The following NHERF4 variants were observed in gnomAD, a reference collection of about 807,000 sequenced individuals.
The protein encoded by NHERF4 is NHERF family PDZ scaffold protein 4.
At chr11:119,186,519 C>A in the NHERF4 span, 5 of 1,614,076 alleles carry the variant, frequency 3.1e-6, no homozygotes, top group Admixed American at 5.0e-5. The surrounding 1 kb of genome is among the most constrained non-coding windows in gnomAD (Gnocchi z 4.4). Flanking sequence ...GTTTACTGAG[C>A]AAAGAGGAGG....
At chr11:119,188,783 G>A in the NHERF4 span, 3 of 1,614,204 alleles carry the variant, frequency 1.9e-6, no homozygotes, top group Non-Finnish European at 2.5e-6. Flanking sequence ...GCTCCCGACA[G>A]TGCTTCCTGT....
chr11:119,188,145 G>GT, the NHERF4 span: 2 of 1,537,238 alleles, frequency 1.3e-6, no homozygotes, highest in Non-Finnish European at 1.8e-6. Flanking sequence ...GGTCGCCCTG[G>GT]TGAGTGGGAG....
the NHERF4 span, chr11:119,187,314 A>G: frequency 1.2e-6 from 2 of 1,612,380 alleles, no homozygotes; most frequent in Non-Finnish European, 1.7e-6. Context: ...TGTTGCTGAC[A>G]GTATTGGCAC....
the NHERF4 span, chr11:119,187,703 GT>G: frequency 4.9e-5 from 73 of 1,497,680 alleles, no homozygotes; most frequent in Non-Finnish European, 6.4e-5. Flanking sequence ...CCAGGAAGGT[GT>G]GACTGCCTGT....
chr11:119,188,684 C>T, the NHERF4 span: 13 of 1,614,150 alleles, frequency 8.1e-6, no homozygotes, highest in Admixed American at 6.7e-5. Flanking sequence ...CAGAGGCTCC[C>T]GCCTCGCCCC....
At chr11:119,186,777 C>G in the NHERF4 span, 3 of 1,270,110 alleles carry the variant, frequency 2.4e-6, no homozygotes, top group Non-Finnish European at 1.1e-6. This position sits in a 1 kb window ranked among gnomAD's most constrained non-coding sequence, Gnocchi z 4.4. Flanking sequence ...CAGCAGGGCA[C>G]AAGCCTCACT....
the NHERF4 span, chr11:119,186,415 G>T: frequency 6.3e-7 from 1 of 1,592,134 alleles, no homozygotes; most frequent in Non-Finnish European, 8.6e-7. The surrounding 1 kb of genome is among the most constrained non-coding windows in gnomAD (Gnocchi z 4.4). Flanking sequence ...CCAGGCACAC[G>T]GCGAACCTGT....
At chr11:119,186,181 C>G in the NHERF4 span, 4 of 1,614,168 alleles carry the variant, frequency 2.5e-6, no homozygotes, top group Non-Finnish European at 3.4e-6. This position sits in a 1 kb window ranked among gnomAD's most constrained non-coding sequence, Gnocchi z 4.4. Context: ...TCCCTCACCC[C>G]CTGGCAACCA....
At chr11:119,188,097 G>A in the NHERF4 span, 6 of 1,550,096 alleles carry the variant, frequency 3.9e-6, no homozygotes, top group Non-Finnish European at 5.2e-6. Context: ...GGGCCCCAGG[G>A]TTTTGGGTTC....
chr11:119,186,642 G>C, the NHERF4 span: 1 of 1,612,276 alleles, frequency 6.2e-7, no homozygotes, highest in Non-Finnish European at 8.5e-7. The surrounding 1 kb of genome is among the most constrained non-coding windows in gnomAD (Gnocchi z 4.4). Context: ...AAGGAGACAG[G>C]ATCCTGGCGG....
the NHERF4 span, chr11:119,186,152 C>T: frequency 6.8e-6 from 11 of 1,614,038 alleles, no homozygotes; most frequent in Non-Finnish European, 9.3e-6. The surrounding 1 kb of genome is among the most constrained non-coding windows in gnomAD (Gnocchi z 4.4). Context: ...TGGCCGAAGA[C>T]CACGACCCCT....
chr11:119,188,805 G>C, the NHERF4 span: 1 of 1,614,194 alleles, frequency 6.2e-7, no homozygotes, highest in South Asian at 1.1e-5. Context: ...CCCTGGGCCT[G>C]GTGGCAGCTA....
the NHERF4 span, chr11:119,189,478 T>C: frequency 1.9e-6 from 3 of 1,614,008 alleles, no homozygotes; most frequent in Middle Eastern, 1.6e-4. The surrounding 1 kb of genome is among the most constrained non-coding windows in gnomAD (Gnocchi z 5.8). Flanking sequence ...GGCTCTGGCC[T>C]CGGATCTACT....
chr11:119,188,084 A>G, the NHERF4 span: 20 of 1,550,952 alleles, frequency 1.3e-5, no homozygotes, highest in South Asian at 1.8e-4. Context: ...GCACCTGGAG[A>G]AAGGGCCCCA....
the NHERF4 span, chr11:119,186,265 C>A: frequency 6.2e-7 from 1 of 1,612,650 alleles, no homozygotes; most frequent in African/African-American, 1.3e-5. The surrounding 1 kb of genome is among the most constrained non-coding windows in gnomAD (Gnocchi z 4.4). Flanking sequence ...CGGTCTCCCT[C>A]TGATAACAGC....
the NHERF4 span, chr11:119,188,522 G>A: frequency 6.2e-7 from 1 of 1,601,920 alleles, no homozygotes; most frequent in Non-Finnish European, 8.5e-7. Flanking sequence ...CACTGTCGTC[G>A]ACCCTGAGGC....
chr11:119,186,362 C>A, the NHERF4 span: 1 of 1,558,508 alleles, frequency 6.4e-7, no homozygotes, highest in South Asian at 1.1e-5. The surrounding 1 kb of genome is among the most constrained non-coding windows in gnomAD (Gnocchi z 4.4). Context: ...CAACACCCAA[C>A]CAGGCAGAAA....
At chr11:119,187,896 T>C in the NHERF4 span, 1 of 1,492,314 alleles carries the variant, frequency 6.7e-7, no homozygotes, top group Non-Finnish European at 8.9e-7. Flanking sequence ...ACCTCTTCTC[T>C]CCCTGCCCAG....
the NHERF4 span, chr11:119,188,832 T>A: frequency 1.9e-6 from 3 of 1,614,184 alleles, no homozygotes; most frequent in Non-Finnish European, 2.5e-6. Flanking sequence ...CCGACTCAGT[T>A]GTGTGGCCAG....
Sources: allele counts gnomAD v4.1 joint callset, GRCh38; gene constraint gnomAD v4.1.1; non-coding constraint Gnocchi (gnomAD v3.1); transcripts MANE v1.5; gene names NCBI Gene and HGNC (gene_info 2026-07-23, HGNC 2026-07-21).